Variants in LZTR1 observed in about 807,000 individuals in gnomAD.
LZTR1 encodes leucine-zipper-like transcriptional regulator 1.
A neutral mutation model predicts 105.7 loss-of-function variants in LZTR1; 260 were observed. The observed-to-expected ratio is 2.46, with a 90% CI of 2.22 to 2.72. The LOEUF (loss-of-function observed/expected upper bound fraction) is 2.72, where lower values mean the gene tolerates loss of function less well. Ranked by LOEUF, LZTR1 falls within the 30% of genes most tolerant of loss-of-function variation. The pLI is 0.00. For synonymous variants in LZTR1, 490 were observed against 476.4 expected (o/e 1.03, Z -0.37); for missense variants, 1,214 against 1,166.9 (o/e 1.04, Z -0.59).
Position 20,987,964 on chromosome 22 carries a change from C to T in LZTR1, c.401-46C>T, listed in dbSNP as rs145155601. The T allele has an allele frequency of 9.2e-6, 11 of 1,192,612 alleles. No homozygotes were observed. In the East Asian group the frequency reaches 2.1e-4, roughly 23 times the overall value. The allele number at this position is 1,192,612 out of a possible 1,614,324, so 73.9% of individuals were successfully genotyped here. ...TCCACCTTCCAGGGTTTGAAATCTC[C>T]AAGACTGCCCTTTGGGTTTGACAGT... On this transcript the variant is annotated intron_variant, in intron 4 of 20. Coordinates refer to ENST00000646124, the MANE Select transcript of LZTR1 (RefSeq NM_006767.4).
rs750813513 is a variant in LZTR1, at chr22:20,994,972, C to T, written c.1888C>T (p.Arg630Trp). ...LSSPLIVEIV[R>W]RKQQPPPRTP... The stretch of plus-strand genomic sequence containing the variant: ...CTCTCCACTGATAGTGGAGATTGTG[C>T]GGCGGAAGCAGCAGCCGCCCCCTCG... The change falls in exon 16 of 21, where the codon CGG becomes TGG. Residue 630 changes from arginine to tryptophan, a missense_variant. Transcript: ENST00000646124. 26 of 1,613,104 alleles carry T rather than the reference C, an allele frequency of 1.6e-5. No individual in the cohort carries two copies. Among genetic ancestry groups the T allele is most frequent in the East Asian group, 2.2e-5 (1 of 44,878 alleles).
chr22:20,996,994 C>A (rs764324611), intron 20 of LZTR1, 28 bp downstream of exon 20: 1 of 1,609,630 alleles, frequency 6.2e-7, no homozygotes, highest in Non-Finnish European at 8.5e-7. Flanking sequence ...CCCTTCAGGA[C>A]TCGCTTCCCC....
rs771655758 is a variant in LZTR1 at position 20,991,716 on chromosome 22, C to T, written c.880C>T (p.Arg294Cys). The T allele has an allele frequency of 1.0e-5, 16 of 1,589,514 alleles. No individual in the cohort carries two copies. Among genetic ancestry groups the T allele is most frequent in the South Asian group, 2.3e-5 (2 of 87,514 alleles). Residue 294 changes from arginine (R) to cysteine (C), a missense_variant, in exon 9 of 21, where the codon CGC becomes TGC. Coordinates refer to ENST00000646124, the MANE Select transcript of LZTR1 (RefSeq NM_006767.4). ...RYGHTMVAFDRHLYVFGGAAD... is the reference protein window; with the variant it reads ...RYGHTMVAFDCHLYVFGGAAD... ...CGGGCATACCATGGTGGCCTTTGACCGCCACCTCTATGTGTTTGGGGGTGC... is the reference window on the plus strand; with the variant it reads ...CGGGCATACCATGGTGGCCTTTGACTGCCACCTCTATGTGTTTGGGGGTGC...
In LZTR1 at chr22:20,993,977, G is replaced by A. The variant is rs777243508; in HGVS notation, c.1407G>A (p.Trp469Ter). Residue 469 changes from tryptophan to a stop codon, truncating the protein, a stop_gained, in exon 13 of 21, where the codon TGG becomes TGA. Transcript: ENST00000646124. LOFTEE classifies it high-confidence loss of function. ...HVAIVTARSR[W>*]LRRKITQARE... is the part of the protein sequence containing the mutation. ...CCATTGTCACAGCGCGGAGCCGCTGGCTTCGCAGGAAGATCACGCAGGCGC... is the reference window on the plus strand; with the variant it reads ...CCATTGTCACAGCGCGGAGCCGCTGACTTCGCAGGAAGATCACGCAGGCGC... 111 of 1,612,468 alleles carry A rather than the reference G, an allele frequency of 6.9e-5. No individual in the cohort carries two copies. The highest frequency in any genetic ancestry group is 1.7e-5 in the Admixed American group (1 of 59,944).
rs1924988041 is a variant in LZTR1, at chr22:20,998,816, C to CA, written c.*1469dup. Reference sequence around the variant, plus strand: ...GCCATGTGGGCCAGGTGCATTCACTCAGAGTGGGGCCACACACCCATCTAC... The same window carrying CA: ...GCCATGTGGGCCAGGTGCATTCACTCAAGAGTGGGGCCACACACCCATCTAC... On this transcript the variant is annotated 3_prime_UTR_variant, in exon 21 of 21. Coordinates refer to ENST00000646124, the MANE Select transcript of LZTR1 (RefSeq NM_006767.4). The CA allele has an allele frequency of 7.4e-6, 1 of 135,620 alleles. No individual in the cohort carries two copies. The highest frequency in any genetic ancestry group is 2.2e-4 in the South Asian group (1 of 4,530). 8.4% of individuals were successfully genotyped at this position (135,620 alleles called of 1,614,324 possible). A position where few individuals can be genotyped will look rare whatever the true frequency, so the allele number is the denominator to read the frequency against.
chr22:20,991,698 A>G lies in LZTR1; in HGVS notation c.862A>G (p.Thr288Ala). ...PPPPQRRYGHTMVAFDRHLYV... is the reference protein window; with the variant it reads ...PPPPQRRYGHAMVAFDRHLYV... ...ACCCCCGCAGCGGCGCTACGGGCAT[A>G]CCATGGTGGCCTTTGACCGCCACCT... Residue 288 changes from threonine (T) to alanine (A), a missense_variant, in exon 9 of 21, where the codon ACC becomes GCC. By Grantham distance (58) the Thr-to-Ala change is moderately conservative (BLOSUM62 0). Coordinates refer to ENST00000646124, the MANE Select transcript of LZTR1 (RefSeq NM_006767.4). 1 of 1,600,806 alleles carries G rather than the reference A, an allele frequency of 6.2e-7. No individual in the cohort carries two copies. The highest frequency in any genetic ancestry group is 8.5e-7 in the Non-Finnish European group (1 of 1,174,924).
At position 20,995,959 on chromosome 22, in the gene LZTR1, G is replaced by A. The variant is rs2147969509; in HGVS notation, c.2070-4G>A. ...GCCAGGTGCCTACCGCTCGTTGTCT[G>A]CAGCTACTTTGAAGCCATGTTCCGG... On this transcript the variant is annotated splice_polypyrimidine_tract_variant and splice_region_variant and intron_variant, in intron 17 of 20. Transcript: ENST00000646124. 1 of 1,613,706 alleles carries A rather than the reference G, an allele frequency of 6.2e-7. No homozygotes were observed. The highest frequency in any genetic ancestry group is 8.5e-7 in the Non-Finnish European group (1 of 1,180,030).
chr22:20,994,728 G>T lies in LZTR1; in HGVS notation c.1785+1G>T. 1 of 1,611,012 alleles carries T rather than the reference G, an allele frequency of 6.2e-7. No homozygotes were observed. The highest frequency in any genetic ancestry group is 2.2e-5 in the East Asian group (1 of 44,862). On this transcript the variant is annotated splice_donor_variant, in intron 15 of 20. Coordinates refer to ENST00000646124, the MANE Select transcript of LZTR1 (RefSeq NM_006767.4). LOFTEE classifies it high-confidence loss of function. ...CCGGCTGCAGCTGAGCCAACTCAAG[G>T]TGTGGGGTGGGGTCAGCGCAATCAG...
chr22:20,985,890 T>G lies in LZTR1; in HGVS notation c.313T>G (p.Trp105Gly). Residue 105 changes from tryptophan to glycine, a missense_variant, in exon 3 of 21, where the codon TGG becomes GGG. Trp to Gly is a radical substitution (Grantham distance 184). Transcript: ENST00000646124. The part of the protein sequence containing the change: ...LLRFDVKDCS[W>G]CRAFTTGTPP... ...GCGGTTCGATGTGAAAGACTGCTCC[T>G]GGTGCAGGTGGGTGGCCCCGTGCTC... 6.2e-7 allele frequency: 1 copy of G among 1,614,168 alleles called. No homozygotes were observed. Among genetic ancestry groups the G allele is most frequent in the Non-Finnish European group, 8.5e-7 (1 of 1,180,022 alleles).
intron 3 of LZTR1, chr22:20,986,123 G>C: frequency 1.7e-6 from 1 of 585,620 alleles, no homozygotes; most frequent in East Asian, 2.8e-5. Flanking sequence ...GGCACACAGG[G>C]CGGCACCCTT....
intron 7 of LZTR1, 125 bp downstream of exon 7, chr22:20,989,807 G>A: frequency 9.5e-7 from 1 of 1,057,958 alleles, no homozygotes; most frequent in East Asian, 2.5e-5. Context: ...GGGAGGCAGG[G>A]GGAGCCAGGC....
intron 17 of LZTR1, 31 bp downstream of exon 17, chr22:20,995,903 G>A: frequency 1.9e-6 from 3 of 1,613,064 alleles, no homozygotes; most frequent in Middle Eastern, 1.6e-4. Flanking sequence ...AGGGGAGGGT[G>A]GGCCTGGATG....
chr22:20,986,155 C>T (rs1924373187), intron 3 of LZTR1: 4 of 488,894 alleles, frequency 8.2e-6, no homozygotes, highest in South Asian at 3.0e-5. Flanking sequence ...ACCTCTACCT[C>T]GAGGCTGATG....
At chr22:20,989,730 C>CAGGGTGCAGGTGGAGGAGGTGAGGGGCGT (rs1924532519) in intron 7 of LZTR1, 48 bp downstream of exon 7, 4 of 34,218 alleles carry the variant, frequency 1.2e-4, no homozygotes, top group Admixed American at 1.4e-3. Context: ...GTGAGGGGCA[C>CAGGGTGCAGGTGGAGGAGGTGAGGGGCGT]GGGGAGCCAG....
chr22:20,994,354 C>T (rs1452855389), intron 14 of LZTR1, 85 bp downstream of exon 14: 2 of 1,455,414 alleles, frequency 1.4e-6, no homozygotes, highest in East Asian at 2.3e-5. Context: ...CCAGCCCTGC[C>T]TTACTGATGG....
intron 10 of LZTR1, 184 bp downstream of exon 10, chr22:20,992,553 CA>C (rs1284385256): frequency 1.4e-6 from 1 of 731,074 alleles, no homozygotes; most frequent in African/African-American, 1.8e-5. Context: ...GGGTGGGTGC[CA>C]CACACTGGCC....
At position 20,997,569 on chromosome 22, in the gene LZTR1, C is replaced by A; in HGVS notation, c.*221C>A. On this transcript the variant is annotated 3_prime_UTR_variant, in exon 21 of 21. Coordinates refer to ENST00000646124, the MANE Select transcript of LZTR1 (RefSeq NM_006767.4). ...CACAGGGAGCGGATGATGAAGCAGA[C>A]CCCCTCCTGTCATCACCCTCTCCTG... 2 of 511,196 alleles carry A rather than the reference C, an allele frequency of 3.9e-6. No homozygotes were observed. Among genetic ancestry groups the A allele is most frequent in the South Asian group, 2.2e-5 (1 of 45,776 alleles). 31.7% of individuals were successfully genotyped at this position (511,196 alleles called of 1,614,324 possible).
At chr22:20,993,094 G>T (rs530674849) in intron 11 of LZTR1, among the ~76,000 whole-genome samples, 190 bp downstream of exon 11, 12 of 152,374 alleles carry the variant, frequency 7.9e-5, no homozygotes, top group African/African-American at 2.9e-4. Flanking sequence ...CAGCCTTCGT[G>T]CAGTGGGGCA....
rs1453525517 is a variant in LZTR1 at position 20,990,440 on chromosome 22, T to G, written c.706T>G (p.Cys236Gly). ...TTGCTGCAACTTCCCCGTGGCTGTGTGCCGGGACAAGATGTTTGTATTCTC... is the reference window on the plus strand; with the variant it reads ...TTGCTGCAACTTCCCCGTGGCTGTGGGCCGGGACAAGATGTTTGTATTCTC... ...PSCCNFPVAV[C>G]RDKMFVFSGQ... The change falls in exon 8 of 21, where the codon TGC becomes GGC. Residue 236 changes from cysteine to glycine, a missense_variant. Transcript: ENST00000646124. 6.2e-7 allele frequency: 1 copy of G among 1,613,994 alleles called. No individual in the cohort carries two copies. The highest frequency in any genetic ancestry group is 8.5e-7 in the Non-Finnish European group (1 of 1,180,036).
Sources: allele counts gnomAD v4.1 joint callset (sites outside exome capture counted in the v4.1 genomes callset), GRCh38; gene constraint gnomAD v4.1.1; transcripts MANE v1.5; gene names NCBI Gene and HGNC (gene_info 2026-07-23, HGNC 2026-07-21).